Variants in WHAMM observed in about 807,000 individuals in gnomAD.
WHAMM encodes the protein WASP homolog-associated protein with actin, membranes and microtubules.
A neutral mutation model predicts 76.5 loss-of-function variants in WHAMM; 67 were observed. The observed-to-expected ratio is 0.88, with a 90% CI of 0.72 to 1.07. WHAMM has a LOEUF of 1.07. WHAMM is among the 50% of genes least tolerant of loss of function. The probability of loss-of-function intolerance (pLI) is 0.00; values close to 1 mark genes in which losing one functional copy is unlikely to be tolerated. For synonymous variants in WHAMM, 419 were observed against 422.1 expected (o/e 0.99, Z 0.09); for missense variants, 1,021 against 1,051.1 (o/e 0.97, Z 0.40).
At chr15:82,817,823 G>A in intron 3 of WHAMM, 97 bp from the exon 4 acceptor site, 1 of 947,724 alleles carries the variant, frequency 1.1e-6, no homozygotes, top group Non-Finnish European at 1.4e-6. Flanking sequence ...AGGATATTCT[G>A]CAGGTAGTAT....
intron 1 of WHAMM, among the ~76,000 whole-genome samples, chr15:82,812,877 A>G (rs1388630540): frequency 6.6e-6 from 1 of 152,174 alleles, no homozygotes; most frequent in Non-Finnish European, 1.5e-5. Context: ...GTGCTGAATG[A>G]CTACAGTAAT....
At chr15:82,813,743 C>T (rs2050672559) in intron 2 of WHAMM, among the ~76,000 whole-genome samples, 2 of 145,994 alleles carry the variant, frequency 1.4e-5, no homozygotes, top group Middle Eastern at 3.7e-3. Context: ...TCACTGCAAC[C>T]TCCTCCAGGT....
At chr15:82,833,143 A>C in intron 9 of WHAMM, 86 bp from the exon 10 acceptor site, 13 of 1,388,922 alleles carry the variant, frequency 9.4e-6, no homozygotes, top group Non-Finnish European at 1.3e-5. Context: ...GTTAACTGAT[A>C]GGAGATTTCA....
At chr15:82,821,958 TA>T (rs2050835813) in intron 5 of WHAMM, among the ~76,000 whole-genome samples, 1 of 152,160 alleles carries the variant, frequency 6.6e-6, no homozygotes, top group Non-Finnish European at 1.5e-5. Flanking sequence ...TTTTTTGCAG[TA>T]GTTTCAGGTT....
Position 82,813,281 on chromosome 15 carries a change from G to A in WHAMM, c.783+5G>A, listed in dbSNP as rs769277134. 2 of 1,514,576 alleles carry A rather than the reference G, an allele frequency of 1.3e-6. No homozygotes were observed. Among genetic ancestry groups the A allele is most frequent in the South Asian group, 1.3e-5 (1 of 76,298 alleles). 93.8% of individuals were successfully genotyped at this position (1,514,576 alleles called of 1,614,324 possible). On this transcript the variant is annotated splice_donor_5th_base_variant and intron_variant, in intron 2 of 9. Transcript: ENST00000286760. ...TTATGTAAGCTTGATATTTTGGTAT[G>A]TTTTTTTAAAATTTTTACTTTATCA...
chr15:82,810,466 G>GCTC (rs1254692318), intron 1 of WHAMM, 131 bp downstream of exon 1: 29 of 1,223,086 alleles, frequency 2.4e-5, no homozygotes, highest in Non-Finnish European at 3.0e-5. Flanking sequence ...AAGGCCGCGG[G>GCTC]CTCCCCAGTG....
chr15:82,826,474 G>C lies in WHAMM; in HGVS notation c.1523G>C (p.Arg508Pro), dbSNP rs371348951. The C allele has an allele frequency of 6.8e-6, 11 of 1,613,772 alleles. No individual in the cohort carries two copies. Among genetic ancestry groups the C allele is most frequent in the Non-Finnish European group, 8.5e-6 (10 of 1,179,834 alleles). ...QQAEESIRYS[R>P]QHHSIQMKRD... is the part of the protein sequence containing the mutation. ...GCTGAAGAAAGCATAAGATACTCTC[G>C]TCAGCATCACAGTATTCAGATGGTG... The change falls in exon 7 of 10, where the codon CGT (arginine) becomes CCT (proline). Residue 508 changes from arginine (R) to proline (P), a missense_variant. Physicochemically the swap from Arg to Pro is moderately radical, Grantham distance 103. Transcript: ENST00000286760.
At position 82,816,791 on chromosome 15, in the gene WHAMM, A is replaced by G; in HGVS notation, c.883A>G (p.Ile295Val). The change falls in exon 3 of 10, where the codon ATT (isoleucine) becomes GTT (valine). Residue 295 changes from isoleucine to valine, a missense_variant. Ile to Val is a conservative substitution (Grantham distance 29). This residue lies in a region of WHAMM where 501 missense variants were observed against 524.9 expected (regional missense o/e 0.95). Transcript: ENST00000286760. ...ACGGGCTGAAGAAGCTGTCGTCTCT[A>G]TTCAGGATATCACAGTGAATTATTT... ...TRRAEEAVVS[I>V]QDITVNYFKE... 1.3e-6 allele frequency: 2 copies of G among 1,564,218 alleles called. No homozygotes were observed. The highest frequency in any genetic ancestry group is 1.7e-6 in the Non-Finnish European group (2 of 1,152,976).
intron 1 of WHAMM, among the ~76,000 whole-genome samples, chr15:82,810,975 A>G (rs1412316899): frequency 6.6e-6 from 1 of 152,170 alleles, no homozygotes; most frequent in Non-Finnish European, 1.5e-5. Flanking sequence ...AGTTCACAGA[A>G]GGGTTTAGGA....
intron 1 of WHAMM, chr15:82,810,750 TA>T: frequency 3.0e-6 from 3 of 985,440 alleles, no homozygotes; most frequent in Non-Finnish European, 3.6e-6. Flanking sequence ...GCAAATGGGA[TA>T]AAATGGTTTA....
intron 2 of WHAMM, among the ~76,000 whole-genome samples, chr15:82,815,278 C>T (rs2050708730): frequency 6.6e-6 from 1 of 151,306 alleles, no homozygotes; most frequent in Non-Finnish European, 1.5e-5. Context: ...CCTGGGCAAC[C>T]ACCAATCTAC....
At position 82,826,503 on chromosome 15, in the gene WHAMM, C is replaced by T. The variant is rs770189951; in HGVS notation, c.1545+7C>T. On this transcript the variant is annotated splice_region_variant and intron_variant, in intron 7 of 9. Coordinates refer to ENST00000286760, the MANE Select transcript of WHAMM (RefSeq NM_001080435.3). ...GCATCACAGTATTCAGATGGTGAGT[C>T]TCCTCCGAAGGAAAATGTTCTATGT... The T allele has an allele frequency of 4.3e-6, 7 of 1,611,864 alleles. No homozygotes were observed. In the South Asian group the frequency reaches 5.5e-5, roughly 13 times the overall value.
At position 82,813,825 on chromosome 15, in the gene WHAMM, T is replaced by A. The variant is rs1177672364; in HGVS notation, c.783+549T>A. The stretch of plus-strand genomic sequence containing the variant: ...GTGTGTACCACCACGCCCAGCTAAC[T>A]TTTTTTGTATTTTTAGTAGAGACGG... On this transcript the variant is annotated intron_variant, in intron 2 of 9. Transcript: ENST00000286760. 3.6e-4 allele frequency among the ~76,000 whole-genome samples: 54 copies of A among 151,434 alleles called. 1 individual carries two copies. Among genetic ancestry groups the A allele is most frequent in the Admixed American group, 3.5e-3 (54 of 15,222 alleles).
rs1184700887 is a variant in WHAMM at position 82,833,653 on chromosome 15, A to G, written c.*117A>G. 1.8e-6 allele frequency: 2 copies of G among 1,137,982 alleles called. No individual in the cohort carries two copies. Among genetic ancestry groups the G allele is most frequent in the Non-Finnish European group, 2.4e-6 (2 of 819,086 alleles). 70.5% of individuals were successfully genotyped at this position (1,137,982 alleles called of 1,614,324 possible). A position where few individuals can be genotyped will look rare whatever the true frequency, so the allele number is the denominator to read the frequency against. ...TAGATGGGCCACATAACACCCCGGA[A>G]GATCAGCAGGGCCTTGTGTAGGCTG... On this transcript the variant is annotated 3_prime_UTR_variant, in exon 10 of 10. Coordinates refer to ENST00000286760, the MANE Select transcript of WHAMM (RefSeq NM_001080435.3).
At chr15:82,810,860 T>G (rs528437870) in intron 1 of WHAMM, among the ~76,000 whole-genome samples, 7 of 152,284 alleles carry the variant, frequency 4.6e-5, no homozygotes, top group Middle Eastern at 3.4e-3. Flanking sequence ...ATTCATCAGT[T>G]TGGAATGACC....
At chr15:82,832,273 C>T (rs890390920) in intron 9 of WHAMM, among the ~76,000 whole-genome samples, 2 of 152,326 alleles carry the variant, frequency 1.3e-5, no homozygotes, top group South Asian at 2.1e-4. Context: ...AAACCTGTCT[C>T]ATTACCCCCA....
At position 82,823,156 on chromosome 15, in the gene WHAMM, G is replaced by A. The variant is rs745958082; in HGVS notation, c.1327G>A (p.Val443Ile). 3 of 1,545,030 alleles carry A rather than the reference G, an allele frequency of 1.9e-6. No individual in the cohort carries two copies. The highest frequency in any genetic ancestry group is 2.6e-6 in the Non-Finnish European group (3 of 1,141,854). ...ATGTGAAAATCCAGAGGAACTTAAA[G>A]TCATTGACTGTGTGGTGGGGCTGCA... is the stretch of plus-strand genomic sequence containing the variant. ...DPCENPEELK[V>I]IDCVVGLQDD... The change falls in exon 6 of 10, where the codon GTC (valine) becomes ATC (isoleucine). Residue 443 changes from valine (V) to isoleucine (I), a missense_variant. Physicochemically the swap from Val to Ile is conservative, Grantham distance 29. Around this residue, in one of 3 missense-constraint regions of WHAMM, gnomAD observed 509 missense variants for 492.3 expected, o/e 1.03. Coordinates refer to ENST00000286760, the MANE Select transcript of WHAMM (RefSeq NM_001080435.3).
chr15:82,833,696 TTTTTC>T lies in WHAMM; in HGVS notation c.*165_*169del. 2 of 811,438 alleles carry T rather than the reference TTTTTC, an allele frequency of 2.5e-6. No homozygotes were observed. The highest frequency in any genetic ancestry group is 2.7e-5 in the East Asian group (1 of 36,938). The allele number at this position is 811,438 out of a possible 1,614,324, so 50.3% of individuals were successfully genotyped here. A position where few individuals can be genotyped will look rare whatever the true frequency, so the allele number is the denominator to read the frequency against. On this transcript the variant is annotated 3_prime_UTR_variant, in exon 10 of 10. Coordinates refer to ENST00000286760, the MANE Select transcript of WHAMM (RefSeq NM_001080435.3). ...GTAGGCTGCTGCAGCATTTTTTTTT[TTTTTC>T]TTTTTTGAGATGGAGTCTCACTCTG...
chr15:82,826,680 AT>A, intron 7 of WHAMM, 70 bp from the exon 8 acceptor site: 1 of 1,529,050 alleles, frequency 6.5e-7, no homozygotes, highest in Non-Finnish European at 8.8e-7. Context: ...TTGCTGAGAC[AT>A]TTTTATTGTA....
Sources: allele counts gnomAD v4.1 joint callset (sites outside exome capture counted in the v4.1 genomes callset), GRCh38; gene constraint gnomAD v4.1.1; regional missense constraint gnomAD v4.1.1; transcripts MANE v1.5; gene names NCBI Gene and HGNC (gene_info 2026-07-23, HGNC 2026-07-21).